Variants in DNM1 observed in about 807,000 individuals in gnomAD.
DNM1 encodes dynamin 1, also known as dynamin-1.
A neutral mutation model predicts 104.6 loss-of-function variants in DNM1; 29 were observed. That is an observed-to-expected ratio of 0.28 (90% CI 0.21 to 0.38). DNM1 has a LOEUF of 0.38. Ranked by LOEUF, DNM1 falls within the 10% of genes least tolerant of loss-of-function variation. The pLI is 1.00. For synonymous variants in DNM1, 445 were observed against 475.8 expected (o/e 0.94, Z 0.84); for missense variants, 640 against 1,189.4 (o/e 0.54, Z 6.79).
In DNM1 at chr9:128,254,209, C is replaced by T; in HGVS notation, c.2535-445C>T. On this transcript the variant is annotated intron_variant, in intron 21 of 21. Coordinates refer to ENST00000372923, the MANE Select transcript of DNM1 (RefSeq NM_004408.4). This position sits in a 1 kb window ranked among gnomAD's most constrained non-coding sequence, Gnocchi z 6.1. ...TCCAGCCATCCCTTTTAGTTTCACCCTCCTGGTTCAAGCAGTGTTCTTTCT... is the reference window on the plus strand; with the variant it reads ...TCCAGCCATCCCTTTTAGTTTCACCTTCCTGGTTCAAGCAGTGTTCTTTCT... The T allele has an allele frequency of 7.5e-7, 1 of 1,341,854 alleles. No individual in the cohort carries two copies. Among genetic ancestry groups the T allele is most frequent in the Non-Finnish European group, 9.5e-7 (1 of 1,055,160 alleles). The allele number at this position is 1,341,854 out of a possible 1,614,324, so 83.1% of individuals were successfully genotyped here.
Position 128,239,969 on chromosome 9 carries a change from G to T in DNM1, c.1546-16G>T. ...CCCCGATGCCTCTCGTGGTTGCTATGGTTACCTCTTTGCAGGATGAGATTC... is the reference window on the plus strand; with the variant it reads ...CCCCGATGCCTCTCGTGGTTGCTATTGTTACCTCTTTGCAGGATGAGATTC... On this transcript the variant is annotated splice_polypyrimidine_tract_variant and intron_variant, in intron 13 of 21. Transcript: ENST00000372923. The T allele has an allele frequency of 6.2e-7, 1 of 1,614,084 alleles. No individual in the cohort carries two copies. Among genetic ancestry groups the T allele is most frequent in the Non-Finnish European group, 8.5e-7 (1 of 1,179,984 alleles).
chr9:128,228,839 C>T (rs144114065), intron 10 of DNM1, among the ~76,000 whole-genome samples: 16 of 151,944 alleles, frequency 1.1e-4, no homozygotes, highest in African/African-American at 3.4e-4. Context: ...AAAAATTAGA[C>T]GGGCATGGTG....
At chr9:128,230,429 ATTTC>A (rs1299309666) in intron 10 of DNM1, among the ~76,000 whole-genome samples, 45 of 147,972 alleles carry the variant, frequency 3.0e-4, no homozygotes, top group East Asian at 5.9e-4. Flanking sequence ...TTATTTATTT[ATTTC>A]TTTATTTATT....
intron 1 of DNM1, among the ~76,000 whole-genome samples, chr9:128,205,297 G>A (rs1354774049): frequency 1.3e-5 from 2 of 152,180 alleles, no homozygotes. Context: ...GCCAGGCTGC[G>A]TGCTTCAGGC....
intron 1 of DNM1, among the ~76,000 whole-genome samples, chr9:128,207,894 A>C (rs1834062703): frequency 6.6e-6 from 1 of 151,842 alleles, no homozygotes; most frequent in East Asian, 1.9e-4. Flanking sequence ...GATCTTCTCC[A>C]TCCAGGGTAG....
intron 1 of DNM1, among the ~76,000 whole-genome samples, chr9:128,217,493 C>T (rs1430691024): frequency 6.6e-6 from 1 of 152,082 alleles, no homozygotes; most frequent in Non-Finnish European, 1.5e-5. Context: ...CTTGGCTCAC[C>T]GTAACCTCCG....
At chr9:128,225,407 AC>A (rs1218270951) in intron 10 of DNM1, among the ~76,000 whole-genome samples, 1 of 151,984 alleles carries the variant, frequency 6.6e-6, no homozygotes, top group Non-Finnish European at 1.5e-5. Flanking sequence ...CTATACTGCA[AC>A]CCTAGGAGGC....
chr9:128,220,240 G>A lies in DNM1; in HGVS notation c.748G>A (p.Ala250Thr), dbSNP rs1422655933. Residue 250 changes from alanine to threonine, a missense_variant, in exon 6 of 22, where the codon GCC (alanine) becomes ACC (threonine). By Grantham distance (58) the Ala-to-Thr change is moderately conservative. This residue lies in a region of DNM1 where 81 missense variants were observed against 99.8 expected (regional missense o/e 0.81). Coordinates refer to ENST00000372923, the MANE Select transcript of DNM1 (RefSeq NM_004408.4). The surrounding 1 kb of genome is among the most constrained non-coding windows in gnomAD (Gnocchi z 5.2). ...CATTGATGGCAAGAAGGACATTACC[G>A]CCGCCTTGGCTGCTGAACGAAAGTT... is the stretch of plus-strand genomic sequence containing the variant. The part of the protein sequence containing the change: ...KDIDGKKDIT[A>T]ALAAERKFFL... 13 of 1,614,076 alleles carry A rather than the reference G, an allele frequency of 8.1e-6. No homozygotes were observed. Among genetic ancestry groups the A allele is most frequent in the African/African-American group, 4.0e-5 (3 of 74,918 alleles).
At position 128,248,518 on chromosome 9, in the gene DNM1, C is replaced by T. The variant is rs1465478681; in HGVS notation, c.1906-65C>T. On this transcript the variant is annotated intron_variant, in intron 18 of 21. Coordinates refer to ENST00000372923, the MANE Select transcript of DNM1 (RefSeq NM_004408.4). This position sits in a 1 kb window ranked among gnomAD's most constrained non-coding sequence, Gnocchi z 5.6. ...GGGTACCCTTGGAGGGGCTGAGATC[C>T]TGGGGATGCCTGGAGCCTGGCTGCA... 5 of 1,578,130 alleles carry T rather than the reference C, an allele frequency of 3.2e-6. No homozygotes were observed.
rs1836511068 is a variant in DNM1, at chr9:128,243,334, G to A, written c.1671+989G>A. ...ATGAACTCCAGCTGGCCAAGGAGTG[G>A]GGGAAGGGACCCTCTTCTTCCTGAG... is the stretch of plus-strand genomic sequence containing the variant. On this transcript the variant is annotated intron_variant, in intron 15 of 21. Coordinates refer to ENST00000372923, the MANE Select transcript of DNM1 (RefSeq NM_004408.4). This position sits in a 1 kb window ranked among gnomAD's most constrained non-coding sequence, Gnocchi z 4.0. 6.6e-6 allele frequency among the ~76,000 whole-genome samples: 1 copy of A among 152,176 alleles called. No individual in the cohort carries two copies. The highest frequency in any genetic ancestry group is 1.5e-5 in the Non-Finnish European group (1 of 68,016).
rs1049960262 is a variant in DNM1, at chr9:128,243,154, A to G, written c.1671+809A>G. Among the ~76,000 whole-genome samples the G allele has an allele frequency of 1.3e-5, 2 of 151,996 alleles. No individual in the cohort carries two copies. Among genetic ancestry groups the G allele is most frequent in the African/African-American group, 4.8e-5 (2 of 41,412 alleles). ...GTGGGGGCCCTGCCGAGGTGCCACAAAAAACCCCTCCCCGCCCACTAGGGT... is the reference window on the plus strand; with the variant it reads ...GTGGGGGCCCTGCCGAGGTGCCACAGAAAACCCCTCCCCGCCCACTAGGGT... On this transcript the variant is annotated intron_variant, in intron 15 of 21. Transcript: ENST00000372923. This position sits in a 1 kb window ranked among gnomAD's most constrained non-coding sequence, Gnocchi z 4.0.
intron 10 of DNM1, chr9:128,232,119 CAGGCGGTT>C (rs1394095993): frequency 2.5e-5 from 11 of 447,984 alleles, no homozygotes; most frequent in South Asian, 1.7e-4. Flanking sequence ...ATGTGACATC[CAGGCGGTT>C]AGTGGGAGAA....
In DNM1 at chr9:128,243,054, C is replaced by T. The variant is rs1001447650; in HGVS notation, c.1671+709C>T. On this transcript the variant is annotated intron_variant, in intron 15 of 21. Coordinates refer to ENST00000372923, the MANE Select transcript of DNM1 (RefSeq NM_004408.4). The surrounding 1 kb of genome is among the most constrained non-coding windows in gnomAD (Gnocchi z 4.0). ...TAGCTGCCAGACACCCGGTTAACCC[C>T]TGCACCCCAGTCCCCTAGACCCCTG... Among the ~76,000 whole-genome samples the T allele has an allele frequency of 6.6e-6, 1 of 152,194 alleles. No homozygotes were observed. Among genetic ancestry groups the T allele is most frequent in the Non-Finnish European group, 1.5e-5 (1 of 68,010 alleles).
chr9:128,204,000 C>T lies in DNM1; in HGVS notation c.161+369C>T, dbSNP rs1211790484. On this transcript the variant is annotated intron_variant, in intron 1 of 21. Coordinates refer to ENST00000372923, the MANE Select transcript of DNM1 (RefSeq NM_004408.4). This position sits in a 1 kb window ranked among gnomAD's most constrained non-coding sequence, Gnocchi z 5.3. ...AGCGTCTCCGTTGGGCTCCGGGAGT[C>T]CCTTGGAGCGGGCAGCACCCGGGGG... The T allele has an allele frequency of 6.3e-6, 1 of 157,826 alleles. No individual in the cohort carries two copies. The highest frequency in any genetic ancestry group is 1.4e-5 in the Non-Finnish European group (1 of 72,076). 9.8% of individuals were successfully genotyped at this position (157,826 alleles called of 1,614,324 possible). A position where few individuals can be genotyped will look rare whatever the true frequency, so the allele number is the denominator to read the frequency against.
At chr9:128,246,863 G>A (rs927960162) in intron 16 of DNM1, 3 of 297,052 alleles carry the variant, frequency 1.0e-5, no homozygotes, top group Non-Finnish European at 2.0e-5. Context: ...CTCTTCATGA[G>A]ACACTCTGCC....
intron 10 of DNM1, among the ~76,000 whole-genome samples, chr9:128,229,879 C>G (rs146530559): frequency 0.17 from 26,511 of 151,742 alleles, 2,728 homozygotes; most frequent in East Asian, 0.34. Context: ...CGCCACTGCA[C>G]TCCAGCCTGG....
Position 128,247,554 on chromosome 9 carries a change from G to T in DNM1, c.1893+68G>T. On this transcript the variant is annotated intron_variant, in intron 17 of 21. Transcript: ENST00000372923. This position sits in a 1 kb window ranked among gnomAD's most constrained non-coding sequence, Gnocchi z 5.1. ...GGGCCCCTGGGGCACCATCCTCAGT[G>T]ATGCCAAGTCATGCCATGTTTCCGA... 4.8e-6 allele frequency: 6 copies of T among 1,248,664 alleles called. No individual in the cohort carries two copies. In the Admixed American group the frequency reaches 1.2e-4, roughly 24 times the overall value. 77.3% of individuals were successfully genotyped at this position (1,248,664 alleles called of 1,614,324 possible).
chr9:128,203,842 T>C lies in DNM1; in HGVS notation c.161+211T>C, dbSNP rs1833667341. ...GCCCCCCGCTAGTCTGCAAACGTCG[T>C]CAAGCCTCCGGCTACCGAATCACGC... On this transcript the variant is annotated intron_variant, in intron 1 of 21. Transcript: ENST00000372923. This position sits in a 1 kb window ranked among gnomAD's most constrained non-coding sequence, Gnocchi z 5.3. Among the ~76,000 whole-genome samples the C allele has an allele frequency of 7.1e-6, 1 of 141,580 alleles. No individual in the cohort carries two copies. 92.9% of individuals were successfully genotyped at this position (141,580 alleles called of 152,430 possible). A position where few individuals can be genotyped will look rare whatever the true frequency, so the allele number is the denominator to read the frequency against.
chr9:128,242,250 C>T lies in DNM1; in HGVS notation c.1576C>T (p.Leu526=). The T allele has an allele frequency of 6.2e-7, 1 of 1,609,588 alleles. No individual in the cohort carries two copies. The change falls in exon 15 of 22, where the codon CTG becomes TTG. Residue 526 remains leucine (L), a synonymous_variant. Coordinates refer to ENST00000372923, the MANE Select transcript of DNM1 (RefSeq NM_004408.4). ...DEILVIRKGW[L]TINNIGIMKG... ...CCTCCAGGTCATCCGCAAGGGCTGG[C>T]TGACTATCAATAATATTGGCATCAT...
Sources: gnomAD v4.1 joint callset for allele counts (sites outside exome capture counted in the v4.1 genomes callset) on GRCh38, gnomAD v4.1.1 for gene constraint, gnomAD v4.1.1 regional missense constraint, Gnocchi (gnomAD v3.1) non-coding constraint, MANE v1.5 for transcripts, NCBI Gene and HGNC (gene_info 2026-07-23, HGNC 2026-07-21) for gene names.